Variants in CRPPA observed in about 807,000 individuals in gnomAD.
CRPPA encodes CDP-L-ribitol pyrophosphorylase A.
CRPPA carries 43 observed loss-of-function variants against 52.0 expected under a neutral mutation model. The observed-to-expected ratio is 0.83, with a 90% confidence interval of 0.65 to 1.07. The LOEUF (loss-of-function observed/expected upper bound fraction) is 1.07. Ranked by LOEUF, CRPPA falls within the 50% of genes least tolerant of loss-of-function variation. The probability of loss-of-function intolerance (pLI) is 0.00; values close to 1 mark genes in which losing one functional copy is unlikely to be tolerated. For synonymous variants in CRPPA, 250 were observed against 203.5 expected (o/e 1.23, Z -1.94); for missense variants, 629 against 551.7 (o/e 1.14, Z -1.40).
intron 3 of CRPPA, among the ~76,000 whole-genome samples, chr7:16,364,261 T>G (rs934983016): frequency 3.3e-5 from 5 of 152,214 alleles, no homozygotes; most frequent in African/African-American, 1.2e-4. Flanking sequence ...CTAAAAGCAC[T>G]GGACACAAAA....
chr7:16,327,334 T>A (rs1249753481), intron 3 of CRPPA, among the ~76,000 whole-genome samples: 1 of 152,064 alleles, frequency 6.6e-6, no homozygotes, highest in Non-Finnish European at 1.5e-5. Flanking sequence ...GGCTCACGCC[T>A]GTAATCCCAG....
intron 9 of CRPPA, among the ~76,000 whole-genome samples, chr7:16,103,178 A>T (rs1208964906): frequency 6.6e-6 from 1 of 152,178 alleles, no homozygotes; most frequent in Non-Finnish European, 1.5e-5. Context: ...GCTGGAAACC[A>T]TCATTCTCAG....
At chr7:16,420,424 C>T (rs1035703519) in intron 1 of CRPPA, among the ~76,000 whole-genome samples, 8 of 152,134 alleles carry the variant, frequency 5.3e-5, no homozygotes, top group Admixed American at 5.2e-4. Context: ...ACGACTGTTC[C>T]CCTAGTCCTC....
intron 7 of CRPPA, 29 bp from the exon 8 acceptor site, chr7:16,258,511 G>A (rs372805874): frequency 2.9e-6 from 4 of 1,366,184 alleles, no homozygotes; most frequent in Non-Finnish European, 4.1e-6. Context: ...AAAAGGATAT[G>A]AGAAGACGTT....
At chr7:16,231,472 T>C (rs898350512) in intron 8 of CRPPA, among the ~76,000 whole-genome samples, 1 of 152,180 alleles carries the variant, frequency 6.6e-6, no homozygotes, top group Non-Finnish European at 1.5e-5. Flanking sequence ...TTATATATTA[T>C]GATTTGTGGT....
intron 2 of CRPPA, among the ~76,000 whole-genome samples, chr7:16,393,146 C>T (rs555551086): frequency 9.2e-5 from 14 of 152,064 alleles, no homozygotes; most frequent in Non-Finnish European, 1.8e-4. Flanking sequence ...GAGCCTCTAA[C>T]CTCCTGGAGT....
chr7:16,357,376 A>G (rs1583545235), intron 3 of CRPPA, among the ~76,000 whole-genome samples: 1 of 151,960 alleles, frequency 6.6e-6, no homozygotes, highest in East Asian at 1.9e-4. Context: ...ACAGGATTTT[A>G]CCATGTTGGC....
At position 16,406,200 on chromosome 7, in the gene CRPPA, T is replaced by C. The variant is rs774324906; in HGVS notation, c.395A>G (p.Asn132Ser). Residue 132 changes from asparagine to serine, a missense_variant, in exon 2 of 10, where the codon AAT becomes AGT. Transcript: ENST00000407010. Reference protein sequence around the residue: ...AGVTRHRSIFNGLKALAEDQI... With the variant: ...AGVTRHRSIFSGLKALAEDQI... ...ATCTTCTGCCAGTGCTTTTAGTCCA[T>C]TGAAAATTGACCTGTGGCGGGTCAC... 5 of 1,614,016 alleles carry C rather than the reference T, an allele frequency of 3.1e-6. No individual in the cohort carries two copies. The East Asian group carries it at 8.9e-5, about 29-fold the overall frequency.
intron 4 of CRPPA, among the ~76,000 whole-genome samples, chr7:16,301,852 AC>A (rs1332013668): frequency 6.6e-6 from 1 of 152,218 alleles, no homozygotes; most frequent in African/African-American, 2.4e-5. Flanking sequence ...TCACTGAGTT[AC>A]ATTCTTAGCT....
intron 9 of CRPPA, among the ~76,000 whole-genome samples, chr7:16,094,350 T>C (rs922072928): frequency 6.6e-6 from 1 of 152,148 alleles, no homozygotes; most frequent in South Asian, 2.1e-4. Context: ...CTCTAGTATG[T>C]GAAAAGATTA....
At chr7:16,238,533 A>G (rs1295171) in intron 8 of CRPPA, among the ~76,000 whole-genome samples, 1 of 152,024 alleles carries the variant, frequency 6.6e-6, no homozygotes, top group Non-Finnish European at 1.5e-5. Context: ...GCAGAAAGAA[A>G]AAACAATGAA....
At chr7:16,112,771 G>A (rs1399221326) in intron 9 of CRPPA, among the ~76,000 whole-genome samples, 7 of 152,086 alleles carry the variant, frequency 4.6e-5, no homozygotes. Context: ...AAGGTTGTAG[G>A]AGCAGGGAGA....
chr7:16,419,073 T>C (rs1447366710), intron 1 of CRPPA, among the ~76,000 whole-genome samples: 1 of 152,184 alleles, frequency 6.6e-6, no homozygotes, highest in Non-Finnish European at 1.5e-5. Flanking sequence ...GGTAAGTGGT[T>C]CATGAAATGG....
chr7:16,253,145 AG>A, intron 8 of CRPPA, among the ~76,000 whole-genome samples: 1 of 152,206 alleles, frequency 6.6e-6, no homozygotes, highest in East Asian at 1.9e-4. Context: ...GCCTTCTGCT[AG>A]CTTTTGAATG....
intron 2 of CRPPA, among the ~76,000 whole-genome samples, chr7:16,378,382 T>C (rs968826697): frequency 3.3e-5 from 5 of 150,770 alleles, no homozygotes; most frequent in Non-Finnish European, 7.4e-5. Context: ...GTACTTGCGA[T>C]AGTTTACTGA....
At chr7:16,318,436 T>C (rs1785192842) in intron 3 of CRPPA, among the ~76,000 whole-genome samples, 1 of 152,206 alleles carries the variant, frequency 6.6e-6, no homozygotes, top group Non-Finnish European at 1.5e-5. Context: ...TTGTCCTCCC[T>C]GTAGGCAATC....
chr7:16,368,225 C>T (rs78979758), intron 3 of CRPPA, among the ~76,000 whole-genome samples: 1,769 of 152,244 alleles, frequency 0.012, 40 homozygotes, highest in African/African-American at 0.041. Context: ...TGGACCAATC[C>T]GTGGGCTTTT....
intron 3 of CRPPA, among the ~76,000 whole-genome samples, chr7:16,364,850 C>T (rs992232192): frequency 9.9e-5 from 15 of 152,122 alleles, no homozygotes; most frequent in Non-Finnish European, 1.9e-4. Flanking sequence ...TGAACAACAA[C>T]CTGTTGTTGA....
intron 3 of CRPPA, among the ~76,000 whole-genome samples, chr7:16,323,086 G>C (rs961517635): frequency 6.6e-6 from 1 of 152,080 alleles, no homozygotes; most frequent in Non-Finnish European, 1.5e-5. Flanking sequence ...TGGAGATTAT[G>C]GAGATTACAA....
Sources: allele counts gnomAD v4.1 joint callset (sites outside exome capture counted in the v4.1 genomes callset), GRCh38; gene constraint gnomAD v4.1.1; transcripts MANE v1.5; gene names NCBI Gene and HGNC (gene_info 2026-07-23, HGNC 2026-07-21).